Variants in KCNG4 observed in about 807,000 individuals in gnomAD.
KCNG4 encodes the protein voltage-gated potassium channel regulatory subunit KCNG4.
In KCNG4, 30 loss-of-function variants were observed where a neutral mutation model predicts 28.2. The ratio of observed to expected loss-of-function variants is 1.06; its 90% CI spans 0.80 to 1.44. The LOEUF (loss-of-function observed/expected upper bound fraction) is 1.44. Among genes scored for constraint, KCNG4 ranks in the 40% most tolerant of loss-of-function variants. The pLI is 0.00. For missense variants in KCNG4, 879 were observed against 712.3 expected, an observed-to-expected ratio of 1.23 and a Z score of -2.66; for synonymous variants, 375 against 315.5, an observed-to-expected ratio of 1.19 and a Z score of -2.00.
intron 2 of KCNG4, among the ~76,000 whole-genome samples, chr16:84,227,772 A>T (rs1904730591): frequency 6.6e-6 from 1 of 152,208 alleles, no homozygotes; most frequent in East Asian, 1.9e-4. Context: ...TCGTGCTACA[A>T]CATGGATGCA....
chr16:84,234,905 A>G (rs954897570), intron 2 of KCNG4, among the ~76,000 whole-genome samples: 4 of 152,150 alleles, frequency 2.6e-5, no homozygotes, highest in Non-Finnish European at 5.9e-5. Context: ...TGCTCTCTGA[A>G]TTATTATCTA....
Position 84,236,815 on chromosome 16 carries a change from G to C in KCNG4, c.671C>G (p.Ala224Gly). ...GGCCACGAAGAGGATGGAGAGGCAA[G>C]CGAAGACCTTCCCGGGCAGCCCGGA... ...PQSGLPGKVF[A>G]CLSILFVATT... Residue 224 changes from alanine to glycine, a missense_variant, in exon 2 of 3, where the codon GCT becomes GGT. Transcript: ENST00000308251. 6.2e-7 allele frequency: 1 copy of C among 1,613,774 alleles called. No homozygotes were observed. Among genetic ancestry groups the C allele is most frequent in the South Asian group, 1.1e-5 (1 of 91,084 alleles).
chr16:84,222,034 C>T lies in KCNG4; in HGVS notation c.*183G>A, dbSNP rs1034336425. The T allele has an allele frequency of 3.0e-6, 2 of 657,044 alleles. No homozygotes were observed. The highest frequency in any genetic ancestry group is 5.7e-5 in the Admixed American group (2 of 35,076). 40.7% of individuals were successfully genotyped at this position (657,044 alleles called of 1,614,324 possible). On this transcript the variant is annotated 3_prime_UTR_variant, in exon 3 of 3. Coordinates refer to ENST00000308251, the MANE Select transcript of KCNG4 (RefSeq NM_172347.3). Reference sequence around the variant, plus strand: ...CAGGCTGGACACAGTCAGCCTGGGACATCGGGGCCCCGAGGGACAAGGATC... The same window carrying T: ...CAGGCTGGACACAGTCAGCCTGGGATATCGGGGCCCCGAGGGACAAGGATC...
At chr16:84,231,855 T>C (rs1904834621) in intron 2 of KCNG4, among the ~76,000 whole-genome samples, 1 of 151,896 alleles carries the variant, frequency 6.6e-6, no homozygotes, top group Admixed American at 6.6e-5. Context: ...AATACAAAAA[T>C]GTGCTGGGGA....
Position 84,237,222 on chromosome 16 carries a change from G to A in KCNG4, c.264C>T (p.Leu88=). Residue 88 remains leucine, a synonymous_variant, in exon 2 of 3, where the codon CTC becomes CTT. Transcript: ENST00000308251. ...TCTCCTCGTAGCTCCGACAGAGCCT[G>A]AGTTTGCTCAGGCGGCTCAGCGGGA... is the stretch of plus-strand genomic sequence containing the variant. ...DRFPLSRLSK[L]RLCRSYEEIV... 6.2e-7 allele frequency: 1 copy of A among 1,614,152 alleles called. No individual in the cohort carries two copies. Among genetic ancestry groups the A allele is most frequent in the East Asian group, 2.2e-5 (1 of 44,872 alleles).
At chr16:84,225,118 T>G (rs919780090) in intron 2 of KCNG4, among the ~76,000 whole-genome samples, 1 of 152,136 alleles carries the variant, frequency 6.6e-6, no homozygotes, top group Admixed American at 6.5e-5. Flanking sequence ...ACATTGGTCA[T>G]GGACCACAGT....
intron 2 of KCNG4, among the ~76,000 whole-genome samples, chr16:84,231,719 C>T (rs1347546274): frequency 6.6e-6 from 1 of 151,968 alleles, no homozygotes; most frequent in Non-Finnish European, 1.5e-5. Context: ...AAGTGAGAGT[C>T]GGGGTCGGGC....
At chr16:84,228,311 C>G (rs930138491) in intron 2 of KCNG4, among the ~76,000 whole-genome samples, 1 of 152,238 alleles carries the variant, frequency 6.6e-6, no homozygotes, top group Non-Finnish European at 1.5e-5. Flanking sequence ...CTCACTTCTG[C>G]AGCTCCTTAG....
At chr16:84,237,700 C>A (rs1905009402) in intron 1 of KCNG4, among the ~76,000 whole-genome samples, 175 bp from the exon 2 acceptor site, 1 of 152,166 alleles carries the variant, frequency 6.6e-6, no homozygotes, top group South Asian at 2.1e-4. Context: ...CTACTATGTG[C>A]TTGGGATACA....
Position 84,221,546 on chromosome 16 carries a change from C to G in KCNG4, c.*671G>C, listed in dbSNP as rs2151335335. On this transcript the variant is annotated 3_prime_UTR_variant, in exon 3 of 3. Coordinates refer to ENST00000308251, the MANE Select transcript of KCNG4 (RefSeq NM_172347.3). Reference sequence around the variant, plus strand: ...GCATGCCTGGGGATGCCTGCTCCTTCTTGAGCTCCAGGTAAAGGATGGCAG... The same window carrying G: ...GCATGCCTGGGGATGCCTGCTCCTTGTTGAGCTCCAGGTAAAGGATGGCAG... 1 of 152,396 alleles carries G rather than the reference C, an allele frequency of 6.6e-6. No homozygotes were observed. Among genetic ancestry groups the G allele is most frequent in the East Asian group, 1.9e-4 (1 of 5,180 alleles). The allele number at this position is 152,396 out of a possible 1,614,324, so 9.4% of individuals were successfully genotyped here.
At chr16:84,236,059 C>T (rs1310492773) in intron 2 of KCNG4, 2 of 152,250 alleles carry the variant, frequency 1.3e-5, no homozygotes, top group Non-Finnish European at 2.9e-5. Flanking sequence ...ACTTACAGAT[C>T]AGCTCATCTG....
chr16:84,234,474 C>T (rs1388018196), intron 2 of KCNG4, among the ~76,000 whole-genome samples: 2 of 152,204 alleles, frequency 1.3e-5, no homozygotes, highest in Non-Finnish European at 2.9e-5. Context: ...CCACTGCACC[C>T]AGCCTCCATT....
intron 2 of KCNG4, among the ~76,000 whole-genome samples, chr16:84,228,814 G>A (rs1904757431): frequency 1.3e-5 from 2 of 152,246 alleles, no homozygotes; most frequent in Admixed American, 6.5e-5. Context: ...CGGGAGACCC[G>A]CTGAGGGATG....
At chr16:84,237,616 C>T (rs1005503296) in intron 1 of KCNG4, 91 bp from the exon 2 acceptor site, 24 of 851,154 alleles carry the variant, frequency 2.8e-5, no homozygotes, top group Admixed American at 1.3e-4. Context: ...GATGTTCTTA[C>T]GTGTGCTTTC....
intron 1 of KCNG4, among the ~76,000 whole-genome samples, chr16:84,238,864 T>A (rs1905038590): frequency 6.6e-6 from 1 of 151,312 alleles, no homozygotes; most frequent in African/African-American, 2.4e-5. Context: ...CGAGACTCCA[T>A]CTCAAAAAGA....
Position 84,237,518 on chromosome 16 carries a change from T to C in KCNG4, c.-33A>G. 1 of 1,455,300 alleles carries C rather than the reference T, an allele frequency of 6.9e-7. No individual in the cohort carries two copies. The highest frequency in any genetic ancestry group is 9.1e-7 in the Non-Finnish European group (1 of 1,104,438). 90.1% of individuals were successfully genotyped at this position (1,455,300 alleles called of 1,614,324 possible). On this transcript the variant is annotated 5_prime_UTR_variant, in exon 2 of 3. An upstream open reading frame in the 5' UTR loses its in-frame stop. Coordinates refer to ENST00000308251, the MANE Select transcript of KCNG4 (RefSeq NM_172347.3). ...GACCACCAGGTAGGAAGCGCTGGGT[T>C]TACCAGTCTGACACCCAAGGGACAA...
rs147668586 is a variant in KCNG4 at position 84,237,266 on chromosome 16, A to G, written c.220T>C (p.Trp74Arg). ...NVGGRRYLLP[W>R]STLDRFPLSR... ...AGCGGGAACCGGTCCAGTGTGCTCCAGGGGAGGAGATACCTCCTGCCCCCC... is the reference window on the plus strand; with the variant it reads ...AGCGGGAACCGGTCCAGTGTGCTCCGGGGGAGGAGATACCTCCTGCCCCCC... Residue 74 changes from tryptophan to arginine, a missense_variant, in exon 2 of 3, where the codon TGG (tryptophan) becomes CGG (arginine). Trp to Arg is a moderately radical substitution (Grantham distance 101). Coordinates refer to ENST00000308251, the MANE Select transcript of KCNG4 (RefSeq NM_172347.3). The G allele has an allele frequency of 1.2e-6, 2 of 1,612,096 alleles. No homozygotes were observed. The highest frequency in any genetic ancestry group is 1.7e-6 in the Non-Finnish European group (2 of 1,178,656).
chr16:84,222,090 C>A lies in KCNG4; in HGVS notation c.*127G>T. ...CACACAGCCTCTGTGGCCTTATGCC[C>A]CTCCAGCTTTGAAAGTCTTCCCTGG... On this transcript the variant is annotated 3_prime_UTR_variant, in exon 3 of 3. Coordinates refer to ENST00000308251, the MANE Select transcript of KCNG4 (RefSeq NM_172347.3). The A allele has an allele frequency of 1.9e-6, 2 of 1,039,942 alleles. 1 individual carries two copies. Among genetic ancestry groups the A allele is most frequent in the Middle Eastern group, 4.9e-4 (2 of 4,052 alleles). The allele number at this position is 1,039,942 out of a possible 1,614,324, so 64.4% of individuals were successfully genotyped here.
intron 2 of KCNG4, among the ~76,000 whole-genome samples, chr16:84,229,155 C>A (rs4782597): frequency 0.45 from 68,232 of 151,804 alleles, 15,757 homozygotes; most frequent in South Asian, 0.5. Flanking sequence ...CAAAAATTAG[C>A]CTGGCGTGGT....
Sources: gnomAD v4.1 joint callset for allele counts (sites outside exome capture counted in the v4.1 genomes callset) on GRCh38, gnomAD v4.1.1 for gene constraint, MANE v1.5 for transcripts, NCBI Gene and HGNC (gene_info 2026-07-23, HGNC 2026-07-21) for gene names.